Variants in MTMR10 observed in about 807,000 individuals in gnomAD.
MTMR10 encodes the protein myotubularin related protein 10.
In MTMR10, 56 loss-of-function variants were observed where a neutral mutation model predicts 88.1. The ratio of observed to expected loss-of-function variants is 0.64; its 90% confidence interval spans 0.51 to 0.79. The LOEUF (loss-of-function observed/expected upper bound fraction) is 0.79, where lower values mean the gene tolerates loss of function less well. MTMR10 is among the 30% of genes least tolerant of loss of function. MTMR10 has a pLI of 0.00. For synonymous variants in MTMR10, 380 were observed against 340.9 expected (o/e 1.11, Z -1.26); for missense variants, 883 against 924.7 (o/e 0.95, Z 0.58).
At chr15:30,963,564 C>A (rs1219805094) in intron 6 of MTMR10, among the ~76,000 whole-genome samples, 35 of 151,996 alleles carry the variant, frequency 2.3e-4, no homozygotes, top group Admixed American at 2.3e-3. Context: ...GTGAACCTGG[C>A]AGGCAGAGCT....
intron 6 of MTMR10, among the ~76,000 whole-genome samples, chr15:30,962,547 C>T (rs1376369141): frequency 6.6e-6 from 1 of 151,822 alleles, no homozygotes; most frequent in Admixed American, 6.5e-5. Flanking sequence ...AGATCCCTCA[C>T]GTAACTTATC....
At chr15:30,934,435 G>C (rs979629959), downstream of MTMR10, among the ~76,000 whole-genome samples, 1 of 152,086 alleles carries the variant, frequency 6.6e-6, no homozygotes, top group Non-Finnish European at 1.5e-5. Context: ...GATATCCTTA[G>C]CTTTAAATCC....
At chr15:30,977,213 T>G (rs1188798203) in intron 2 of MTMR10, among the ~76,000 whole-genome samples, 1 of 152,228 alleles carries the variant, frequency 6.6e-6, no homozygotes, top group Non-Finnish European at 1.5e-5. Flanking sequence ...TTCAGTGTAC[T>G]TTTTTCCTAT....
At chr15:30,922,135 G>C in the MTMR10 span, 1 of 1,398,944 alleles carries the variant, frequency 7.1e-7, no homozygotes, top group Non-Finnish European at 9.8e-7. Context: ...GGAAAGATAC[G>C]CATTATAAAT....
At chr15:30,948,256 T>C (rs775051514) in intron 13 of MTMR10, 46 bp downstream of exon 13, 3 of 1,518,970 alleles carry the variant, frequency 2.0e-6, no homozygotes, top group South Asian at 2.5e-5. Flanking sequence ...AAATTTTATT[T>C]TGTGTATCCT....
chr15:30,931,878 T>C, the MTMR10 span, among the ~76,000 whole-genome samples: 9 of 152,108 alleles, frequency 5.9e-5, no homozygotes, highest in East Asian at 1.7e-3. Flanking sequence ...CTGGCTCTTT[T>C]GCATTTTTAT....
chr15:30,961,166 G>GTGC, intron 6 of MTMR10, 93 bp from the exon 7 acceptor site: 1 of 1,445,642 alleles, frequency 6.9e-7, no homozygotes, highest in South Asian at 1.4e-5. Context: ...ATACTCTGAT[G>GTGC]TGCTGTCTCT....
chr15:30,955,469 A>C (rs1379904742), intron 9 of MTMR10, among the ~76,000 whole-genome samples: 6 of 152,060 alleles, frequency 3.9e-5, no homozygotes, highest in Non-Finnish European at 8.8e-5. Flanking sequence ...GCGGGGTTTC[A>C]CCATGTTGGC....
the MTMR10 span, among the ~76,000 whole-genome samples, chr15:30,919,378 CAAAAA>C: frequency 5.3e-5 from 4 of 75,128 alleles, no homozygotes; most frequent in Admixed American, 1.6e-4. Flanking sequence ...AACTCCGTCT[CAAAAA>C]AAAAAAAAAA....
At chr15:30,990,858 A>G in intron 1 of MTMR10, 21 bp from the exon 2 acceptor site, 2 of 1,576,056 alleles carry the variant, frequency 1.3e-6, no homozygotes, top group Non-Finnish European at 1.7e-6. Context: ...TTAGCAAAAT[A>G]AATCAAAATC....
intron 15 of MTMR10, 132 bp from the exon 16 acceptor site, chr15:30,942,204 T>C (rs1039669698): frequency 2.8e-6 from 3 of 1,085,164 alleles, no homozygotes; most frequent in African/African-American, 1.6e-5. Context: ...TTTCCTCCCT[T>C]CCTTTGTGTC....
chr15:30,973,330 G>A (rs1201566103), intron 5 of MTMR10, among the ~76,000 whole-genome samples: 1 of 151,980 alleles, frequency 6.6e-6, no homozygotes, highest in Non-Finnish European at 1.5e-5. Context: ...CATATTTTCA[G>A]ATGTATTTTC....
At chr15:30,928,311 C>T in the MTMR10 span, 14 of 1,288,526 alleles carry the variant, frequency 1.1e-5, no homozygotes, top group South Asian at 2.1e-4. Context: ...TTGAAATGTT[C>T]ATTTGAATTT....
At chr15:30,974,824 A>G in intron 4 of MTMR10, 107 bp downstream of exon 4, 1 of 779,842 alleles carries the variant, frequency 1.3e-6, no homozygotes, top group Admixed American at 3.7e-5. Flanking sequence ...GCAAAAGTAA[A>G]CTTACAGAAA....
chr15:30,958,091 C>T (rs2063352155), intron 9 of MTMR10, among the ~76,000 whole-genome samples: 1 of 152,184 alleles, frequency 6.6e-6, no homozygotes, highest in Non-Finnish European at 1.5e-5. Flanking sequence ...TGGTTTTGGA[C>T]ATAATGAGTT....
At position 30,942,934 on chromosome 15, in the gene MTMR10, G is replaced by C; in HGVS notation, c.1687C>G (p.Pro563Ala). The change falls in exon 15 of 16, where the codon CCT becomes GCT. Residue 563 changes from proline to alanine, a missense_variant. Transcript: ENST00000435680. ...HNPFYIGKST[P>A]CIQNGSVKSF... ...TTCACGGAGCCATTCTGTATACAAG[G>C]TGTGCTCTTTCCAATGTAGAAGGGG... 6.4e-7 allele frequency: 1 copy of C among 1,567,740 alleles called. No homozygotes were observed. The highest frequency in any genetic ancestry group is 8.7e-7 in the Non-Finnish European group (1 of 1,154,002).
At chr15:30,926,020 T>C in the MTMR10 span, 3 of 1,403,058 alleles carry the variant, frequency 2.1e-6, no homozygotes, top group Non-Finnish European at 3.0e-6. Flanking sequence ...AGCAGTGGGC[T>C]GCTGTCCTCT....
chr15:30,941,366 C>A lies in MTMR10; in HGVS notation c.*104G>T. On this transcript the variant is annotated 3_prime_UTR_variant, in exon 16 of 16. Coordinates refer to ENST00000435680, the MANE Select transcript of MTMR10 (RefSeq NM_017762.3). ...ATTAGTGCAAATTCCAACTATTATT[C>A]TTACATATAAAGTTATTAGAGATTC... The A allele has an allele frequency of 1.3e-6, 2 of 1,538,850 alleles. No homozygotes were observed. Among genetic ancestry groups the A allele is most frequent in the Non-Finnish European group, 8.7e-7 (1 of 1,145,050 alleles).
intron 15 of MTMR10, chr15:30,942,287 C>T (rs958660507): frequency 3.2e-6 from 2 of 624,902 alleles, no homozygotes; most frequent in Non-Finnish European, 5.4e-6. Context: ...TACTATCAGC[C>T]TGAATGGGGG....
Sources: gnomAD v4.1 joint callset for allele counts (sites outside exome capture counted in the v4.1 genomes callset) on GRCh38, gnomAD v4.1.1 for gene constraint, MANE v1.5 for transcripts, NCBI Gene and HGNC (gene_info 2026-07-23, HGNC 2026-07-21) for gene names.